Variants in TRIM50 observed in about 807,000 individuals in gnomAD.
TRIM50 encodes the protein E3 ubiquitin-protein ligase TRIM50.
TRIM50 carries 34 observed loss-of-function variants against 44.9 expected under a neutral mutation model. That is an observed-to-expected ratio of 0.76 (90% CI 0.58 to 1.01). The LOEUF is 1.01. Ranked by LOEUF, TRIM50 falls within the 50% of genes least tolerant of loss-of-function variation. TRIM50 has a pLI of 0.00. For missense variants in TRIM50, 633 were observed against 663.7 expected, an observed-to-expected ratio of 0.95 and a Z score of 0.51; for synonymous variants, 307 against 291.1, an observed-to-expected ratio of 1.05 and a Z score of -0.56.
Position 73,316,329 on chromosome 7 carries a change from T to G in TRIM50, c.874+236A>C, listed in dbSNP as rs183602227. On this transcript the variant is annotated intron_variant, in intron 6 of 6. Coordinates refer to ENST00000333149, the MANE Select transcript of TRIM50 (RefSeq NM_178125.3). Reference sequence around the variant, plus strand: ...CCGGGTGGGTGCAAATAGCCCCACTTTACAGATGAGGAACCTGGGCTCAGA... The same window carrying G: ...CCGGGTGGGTGCAAATAGCCCCACTGTACAGATGAGGAACCTGGGCTCAGA... Among the ~76,000 whole-genome samples the G allele has an allele frequency of 1.6e-3, 245 of 152,270 alleles. 3 individuals are homozygous for G. Among genetic ancestry groups the G allele is most frequent in the African/African-American group, 5.8e-3 (240 of 41,560 alleles).
rs376306500 is a variant in TRIM50 at position 73,313,359 on chromosome 7, G to A, written c.1026C>T (p.Arg342=). Residue 342 remains arginine (R), a synonymous_variant, in exon 7 of 7, where the codon CGC becomes CGT. Transcript: ENST00000333149. This position sits in a 1 kb window ranked among gnomAD's most constrained non-coding sequence, Gnocchi z 4.9. ...FDYSTCVLAS[R]GFSCGRHYWE... ...AGTAGTGGCGGCCGCAGGAGAAGCCGCGGCTGGCCAGGACGCAGGTGCTGT... is the reference window on the plus strand; with the variant it reads ...AGTAGTGGCGGCCGCAGGAGAAGCCACGGCTGGCCAGGACGCAGGTGCTGT... 1.4e-4 allele frequency: 216 copies of A among 1,599,176 alleles called. No individual in the cohort carries two copies. Among genetic ancestry groups the A allele is most frequent in the East Asian group, 4.1e-4 (18 of 44,264 alleles).
chr7:73,316,715 G>C (rs1439451388), intron 5 of TRIM50, 26 bp from the exon 6 acceptor site: 1 of 1,609,716 alleles, frequency 6.2e-7, no homozygotes, highest in African/African-American at 1.3e-5. Flanking sequence ...CACAGTACAA[G>C]AGAGTGAGGT....
chr7:73,317,703 A>C (rs1397335071), intron 5 of TRIM50, among the ~76,000 whole-genome samples: 50 of 152,100 alleles, frequency 3.3e-4, no homozygotes, highest in African/African-American at 1.2e-3. Context: ...AATTGTCTCT[A>C]AGACTAAAAG....
Position 73,318,961 on chromosome 7 carries a change from C to G in TRIM50, c.587G>C (p.Gly196Ala), listed in dbSNP as rs373729184. Residue 196 changes from glycine (G) to alanine (A), a missense_variant, in exon 4 of 7, where the codon GGG becomes GCG. By Grantham distance (60) the Gly-to-Ala change is moderately conservative. Transcript: ENST00000333149. ...VDEEKARCLE[G>A]IGGHTRGLVA... The stretch of plus-strand genomic sequence containing the variant: ...CAGGCCACGGGTGTGACCCCCTATC[C>G]CCTCCAGGCAGCGGGCCTTCTCCTC... 6.2e-7 allele frequency: 1 copy of G among 1,613,902 alleles called. No homozygotes were observed. Among genetic ancestry groups the G allele is most frequent in the Non-Finnish European group, 8.5e-7 (1 of 1,179,870 alleles).
At chr7:73,317,862 C>A (rs1260708829) in intron 5 of TRIM50, among the ~76,000 whole-genome samples, 1 of 152,176 alleles carries the variant, frequency 6.6e-6, no homozygotes, top group Non-Finnish European at 1.5e-5. Flanking sequence ...CTGCCTGCTG[C>A]GCAAGGGTGA....
chr7:73,320,112 G>A (rs534269937), intron 3 of TRIM50, 35 bp downstream of exon 3: 20 of 1,613,178 alleles, frequency 1.2e-5, no homozygotes, highest in Non-Finnish European at 1.6e-5. Context: ...GAAGGTGGCC[G>A]GTCCCAGGCA....
chr7:73,319,457 C>T (rs1804442049), intron 3 of TRIM50, among the ~76,000 whole-genome samples: 1 of 152,134 alleles, frequency 6.6e-6, no homozygotes, highest in Non-Finnish European at 1.5e-5. Flanking sequence ...CCACACCCCA[C>T]TTTGCCTATT....
chr7:73,320,074 C>A, intron 3 of TRIM50, 73 bp downstream of exon 3: 5 of 1,611,768 alleles, frequency 3.1e-6, no homozygotes, highest in Non-Finnish European at 3.4e-6. Context: ...TGTAAAGGAC[C>A]AATGAGAACT....
intron 2 of TRIM50, among the ~76,000 whole-genome samples, chr7:73,324,103 G>A (rs186588599): frequency 2.8e-4 from 42 of 151,916 alleles, no homozygotes; most frequent in Non-Finnish European, 2.4e-4. Context: ...GAGGGAAGAG[G>A]GAAGGAGAAG....
At chr7:73,314,509 C>T in intron 6 of TRIM50, 1 of 372,816 alleles carries the variant, frequency 2.7e-6, no homozygotes, top group South Asian at 2.2e-5. Context: ...GGCCACCTGT[C>T]CTTGGAGCAG....
rs144736935 is a variant in TRIM50 at position 73,315,881 on chromosome 7, C to CT, written c.874+683dup. ...GAAGGACATTTTTAAAAGGATATTA[C>CT]TTTTTTTTTTTTTTTTGAGACGGAG... On this transcript the variant is annotated intron_variant, in intron 6 of 6. Coordinates refer to ENST00000333149, the MANE Select transcript of TRIM50 (RefSeq NM_178125.3). 2.9e-3 allele frequency among the ~76,000 whole-genome samples: 408 copies of CT among 139,896 alleles called. 2 individuals carry two copies. Among genetic ancestry groups the CT allele is most frequent in the South Asian group, 9.0e-3 (39 of 4,344 alleles). 91.8% of individuals were successfully genotyped at this position (139,896 alleles called of 152,430 possible). A position where few individuals can be genotyped will look rare whatever the true frequency, so the allele number is the denominator to read the frequency against.
Position 73,319,004 on chromosome 7 carries a change from G to C in TRIM50, c.544C>G (p.Leu182Val), listed in dbSNP as rs782714995. The change falls in exon 4 of 7, where the codon CTG (leucine) becomes GTG (valine). Residue 182 changes from leucine (L) to valine (V), a missense_variant. Leu to Val is a conservative substitution (Grantham distance 32, BLOSUM62 1). Coordinates refer to ENST00000333149, the MANE Select transcript of TRIM50 (RefSeq NM_178125.3). ...TTCTCCTCATCCACCAGGTGGTGCA[G>C]CTCCTGGAACTCGCGGCGGATCACC... ...SWVIRREFQE[L>V]HHLVDEEKAR... 6.2e-7 allele frequency: 1 copy of C among 1,614,048 alleles called. No individual in the cohort carries two copies. The highest frequency in any genetic ancestry group is 1.1e-5 in the South Asian group (1 of 91,082).
In TRIM50 at chr7:73,319,139, T is replaced by C; in HGVS notation, c.496-87A>G. 1.2e-5 allele frequency: 19 copies of C among 1,600,836 alleles called. No individual in the cohort carries two copies. The South Asian group carries it at 1.9e-4, about 16-fold the overall frequency. On this transcript the variant is annotated intron_variant, in intron 3 of 6. Transcript: ENST00000333149. ...GGCCTCGGTGTCCCCAGGGCCTTCCTGACCGGGTTGGTCCTGGGACCTGAG... is the reference window on the plus strand; with the variant it reads ...GGCCTCGGTGTCCCCAGGGCCTTCCCGACCGGGTTGGTCCTGGGACCTGAG...
chr7:73,321,353 T>C (rs1452032585), intron 2 of TRIM50, among the ~76,000 whole-genome samples: 1 of 152,080 alleles, frequency 6.6e-6, no homozygotes, highest in Non-Finnish European at 1.5e-5. Context: ...GTGAACTCTG[T>C]GGTCACCAGC....
rs370785473 is a variant in TRIM50 at position 73,313,360 on chromosome 7, C to T, written c.1025G>A (p.Arg342His). The T allele has an allele frequency of 5.6e-6, 9 of 1,598,920 alleles. No individual in the cohort carries two copies. The highest frequency in any genetic ancestry group is 1.6e-4 in the Middle Eastern group (1 of 6,068). ...GTAGTGGCGGCCGCAGGAGAAGCCG[C>T]GGCTGGCCAGGACGCAGGTGCTGTA... The part of the protein sequence containing the change: ...FDYSTCVLAS[R>H]GFSCGRHYWE... Residue 342 changes from arginine (R) to histidine (H), a missense_variant, in exon 7 of 7, where the codon CGC (arginine) becomes CAC (histidine). Arg to His is a conservative substitution (Grantham distance 29). Coordinates refer to ENST00000333149, the MANE Select transcript of TRIM50 (RefSeq NM_178125.3). The surrounding 1 kb of genome is among the most constrained non-coding windows in gnomAD (Gnocchi z 4.9).
Position 73,328,072 on chromosome 7 carries a change from C to A in TRIM50, c.-191G>T. 7 of 917,518 alleles carry A rather than the reference C, an allele frequency of 7.6e-6. No individual in the cohort carries two copies. Among genetic ancestry groups the A allele is most frequent in the Non-Finnish European group, 1.0e-5 (6 of 597,028 alleles). 56.8% of individuals were successfully genotyped at this position (917,518 alleles called of 1,614,324 possible). ...CCGCCTCGCGCTACCGCGCGTGCCCCATCATGCTCTGCGCGCTCCCATTAC... is the reference window on the plus strand; with the variant it reads ...CCGCCTCGCGCTACCGCGCGTGCCCAATCATGCTCTGCGCGCTCCCATTAC... On this transcript the variant is annotated 5_prime_UTR_variant, in exon 1 of 7. The change abolishes an upstream ATG in the 5' untranslated region. Coordinates refer to ENST00000333149, the MANE Select transcript of TRIM50 (RefSeq NM_178125.3).
chr7:73,318,779 G>A, intron 4 of TRIM50, 43 bp downstream of exon 4: 2 of 1,614,008 alleles, frequency 1.2e-6, no homozygotes, highest in Non-Finnish European at 1.7e-6. Flanking sequence ...GAAGGGGAAG[G>A]CCCTGGCGGG....
At chr7:73,319,803 G>A (rs1449119172) in intron 3 of TRIM50, among the ~76,000 whole-genome samples, 1 of 152,174 alleles carries the variant, frequency 6.6e-6, no homozygotes, top group Non-Finnish European at 1.5e-5. Flanking sequence ...CCAGGTACTG[G>A]GAGGGCACCA....
intron 5 of TRIM50, 112 bp downstream of exon 5, chr7:73,318,575 G>A (rs1167728847): frequency 1.4e-5 from 22 of 1,605,628 alleles, no homozygotes; most frequent in Non-Finnish European, 1.7e-5. Context: ...AGAGCCAGCT[G>A]TGGGCAGCTG....
Sources: gnomAD v4.1 joint callset for allele counts (sites outside exome capture counted in the v4.1 genomes callset) on GRCh38, gnomAD v4.1.1 for gene constraint, Gnocchi (gnomAD v3.1) non-coding constraint, MANE v1.5 for transcripts, NCBI Gene and HGNC (gene_info 2026-07-23, HGNC 2026-07-21) for gene names.